TMEM161A: variants seen among roughly 807,000 people sequenced by gnomAD.
TMEM161A encodes the protein transmembrane protein 161A, also known as adaptive response to oxidative stress protein 29.
TMEM161A carries 46 observed loss-of-function variants against 57.1 expected under a neutral mutation model. That is an observed-to-expected ratio of 0.81 (90% confidence interval 0.64 to 1.03). The LOEUF (loss-of-function observed/expected upper bound fraction) is 1.03, where lower values mean the gene tolerates loss of function less well. Ranked by LOEUF, TMEM161A falls within the 50% of genes least tolerant of loss-of-function variation. The probability of loss-of-function intolerance (pLI) is 0.00; values close to 1 mark genes in which losing one functional copy is unlikely to be tolerated. For missense variants in TMEM161A, 601 were observed against 621.5 expected (o/e 0.97, Z 0.35); for synonymous variants, 288 against 279.0 (o/e 1.03, Z -0.32).
chr19:19,120,290 T>A (rs1007763735), intron 11 of TMEM161A, 107 bp from the exon 12 acceptor site: 1 of 989,144 alleles, frequency 1.0e-6, no homozygotes, highest in Non-Finnish European at 1.4e-6. Context: ...CTCCCACCCC[T>A]GTCTCAGACT....
Position 19,121,633 on chromosome 19 carries a change from A to C in TMEM161A, c.692T>G (p.Leu231Arg). 1 of 1,613,982 alleles carries C rather than the reference A, an allele frequency of 6.2e-7. No homozygotes were observed. Among genetic ancestry groups the C allele is most frequent in the Non-Finnish European group, 8.5e-7 (1 of 1,179,926 alleles). Residue 231 changes from leucine (L) to arginine (R), a missense_variant, in exon 8 of 12, where the codon CTG (leucine) becomes CGG (arginine). Transcript: ENST00000162044. The surrounding 1 kb of genome is among the most constrained non-coding windows in gnomAD (Gnocchi z 5.8). ...ACCCAGCACAGAGCCCACCACTGCC[A>C]GTCCCACGCGGATAGCCAGCTTGGC... ...PVAKLAIRVG[L>R]AVVGSVLGAF...
At chr19:19,127,068 T>G (rs2059934275) in intron 6 of TMEM161A, among the ~76,000 whole-genome samples, 1 of 151,964 alleles carries the variant, frequency 6.6e-6, no homozygotes, top group African/African-American at 2.4e-5. Context: ...AATAAAATGG[T>G]TCAGCTGCTG....
chr19:19,127,270 G>T (rs1393043208), intron 6 of TMEM161A, among the ~76,000 whole-genome samples: 1 of 148,720 alleles, frequency 6.7e-6, no homozygotes, highest in Non-Finnish European at 1.5e-5. Context: ...ATCTGTGGAT[G>T]AATAAACAAA....
At chr19:19,135,753 A>G (rs1326265770) in intron 1 of TMEM161A, among the ~76,000 whole-genome samples, 1 of 151,872 alleles carries the variant, frequency 6.6e-6, no homozygotes, top group Non-Finnish European at 1.5e-5. Context: ...ATTTTTGTCT[A>G]TTTTGTAGAG....
chr19:19,128,879 T>C (rs1426324104), intron 6 of TMEM161A, among the ~76,000 whole-genome samples: 2 of 152,004 alleles, frequency 1.3e-5, no homozygotes, highest in Non-Finnish European at 2.9e-5. Context: ...CATTTAAAAA[T>C]GGTTAAGATG....
intron 11 of TMEM161A, 93 bp downstream of exon 11, chr19:19,120,672 C>T (rs1443974602): frequency 1.5e-5 from 16 of 1,061,446 alleles, no homozygotes; most frequent in South Asian, 1.4e-4. Flanking sequence ...CCCCGCCTCT[C>T]CCCCCCCACC....
intron 6 of TMEM161A, among the ~76,000 whole-genome samples, chr19:19,125,297 A>G (rs1029085000): frequency 4.6e-5 from 7 of 152,336 alleles, no homozygotes; most frequent in Middle Eastern, 6.8e-3. Flanking sequence ...GTCACTGTCC[A>G]TCAGCAACAG....
rs1050456995 is a variant in TMEM161A, at chr19:19,132,665, T to C, written c.278A>G (p.Asp93Gly). Reference protein sequence around the residue: ...QLETCPLTTVDALVLRFFLEY... With the variant: ...QLETCPLTTVGALVLRFFLEY... ...TGGGACTGGGCTATTACCCAGGGCA[T>C]CCACGGTCGTGAGGGGGCAGGTCTC... is the stretch of plus-strand genomic sequence containing the variant. Residue 93 changes from aspartate (D) to glycine (G), a missense_variant, in exon 4 of 12, where the codon GAT becomes GGT. By Grantham distance (94) the Asp-to-Gly change is moderately conservative. Transcript: ENST00000162044. This position sits in a 1 kb window ranked among gnomAD's most constrained non-coding sequence, Gnocchi z 4.3. 6.4e-6 allele frequency: 10 copies of C among 1,569,276 alleles called. No homozygotes were observed. The highest frequency in any genetic ancestry group is 1.4e-5 in the African/African-American group (1 of 73,824).
At chr19:19,130,023 T>C in intron 6 of TMEM161A, 133 bp downstream of exon 6, 1 of 981,028 alleles carries the variant, frequency 1.0e-6, no homozygotes, top group Non-Finnish European at 1.5e-6. Flanking sequence ...TGGTCACTAA[T>C]GGGGACTGCC....
chr19:19,121,726 C>T lies in TMEM161A; in HGVS notation c.656+33G>A. On this transcript the variant is annotated intron_variant, in intron 7 of 11. Transcript: ENST00000162044. The surrounding 1 kb of genome is among the most constrained non-coding windows in gnomAD (Gnocchi z 5.8). ...GGGACCCTGGGAGGGTCCCAGCCTGCCCTTGCCTCCCTCCCCCATTCCCAG... is the reference window on the plus strand; with the variant it reads ...GGGACCCTGGGAGGGTCCCAGCCTGTCCTTGCCTCCCTCCCCCATTCCCAG... 1 of 1,613,636 alleles carries T rather than the reference C, an allele frequency of 6.2e-7. No homozygotes were observed. The highest frequency in any genetic ancestry group is 8.5e-7 in the Non-Finnish European group (1 of 1,179,658).
Position 19,121,566 on chromosome 19 carries a change from G to T in TMEM161A, c.759C>A (p.His253Gln). 1 of 1,613,916 alleles carries T rather than the reference G, an allele frequency of 6.2e-7. No individual in the cohort carries two copies. Among genetic ancestry groups the T allele is most frequent in the Non-Finnish European group, 8.5e-7 (1 of 1,179,948 alleles). ...TFPGLRLAQT[H>Q]RDALTMSEDR... ...CCTCCGACATGGTCAGTGCGTCCCGGTGGGTCTGGGCCAGCCGCAGGCCTG... is the reference window on the plus strand; with the variant it reads ...CCTCCGACATGGTCAGTGCGTCCCGTTGGGTCTGGGCCAGCCGCAGGCCTG... Residue 253 changes from histidine to glutamine, a missense_variant, in exon 8 of 12, where the codon CAC becomes CAA. By Grantham distance (24) the His-to-Gln change is conservative. Coordinates refer to ENST00000162044, the MANE Select transcript of TMEM161A (RefSeq NM_017814.3). This position sits in a 1 kb window ranked among gnomAD's most constrained non-coding sequence, Gnocchi z 5.8.
At chr19:19,125,967 A>G (rs1294812415) in intron 6 of TMEM161A, among the ~76,000 whole-genome samples, 4 of 151,270 alleles carry the variant, frequency 2.6e-5, no homozygotes, top group African/African-American at 4.9e-5. Context: ...CATCTCTAGT[A>G]AAAAATACAA....
intron 5 of TMEM161A, among the ~76,000 whole-genome samples, chr19:19,131,777 C>T (rs113700466): frequency 2.2e-4 from 33 of 151,906 alleles, no homozygotes; most frequent in South Asian, 1.0e-3. Context: ...CCACCTGCCT[C>T]GGCCTCCCAA....
At position 19,121,201 on chromosome 19, in the gene TMEM161A, AG is replaced by A; in HGVS notation, c.915-36del. 6.4e-7 allele frequency: 1 copy of A among 1,568,882 alleles called. No homozygotes were observed. Among genetic ancestry groups the A allele is most frequent in the Non-Finnish European group, 8.6e-7 (1 of 1,156,718 alleles). On this transcript the variant is annotated intron_variant, in intron 9 of 11. Transcript: ENST00000162044. This position sits in a 1 kb window ranked among gnomAD's most constrained non-coding sequence, Gnocchi z 5.8. ...GAGGGCCGGGGGCAAGGGACTAAGA[AG>A]GTCGCCCCCGACCCCCCAGGATCTT...
Position 19,121,332 on chromosome 19 carries a change from G to A in TMEM161A, c.890C>T (p.Pro297Leu), listed in dbSNP as rs376515835. Residue 297 changes from proline to leucine, a missense_variant, in exon 9 of 12, where the codon CCG becomes CTG. Pro to Leu is a moderately conservative substitution (Grantham distance 98, BLOSUM62 -3). Coordinates refer to ENST00000162044, the MANE Select transcript of TMEM161A (RefSeq NM_017814.3). This position sits in a 1 kb window ranked among gnomAD's most constrained non-coding sequence, Gnocchi z 5.8. The part of the protein sequence containing the change: ...PIARDFLHQP[P>L]FGETRFSLLS... Reference sequence around the variant, plus strand: ...CAGGGAGAAACGCGTCTCCCCAAACGGCGGCTGGTGCAGGAAGTCCCGTGC... The same window carrying A: ...CAGGGAGAAACGCGTCTCCCCAAACAGCGGCTGGTGCAGGAAGTCCCGTGC... 2.7e-4 allele frequency: 426 copies of A among 1,577,208 alleles called. No homozygotes were observed. Among genetic ancestry groups the A allele is most frequent in the Middle Eastern group, 6.6e-4 (4 of 6,040 alleles).
At position 19,128,029 on chromosome 19, in the gene TMEM161A, A is replaced by G. The variant is rs1430826926; in HGVS notation, c.595+2127T>C. ...ACTGAAATGAGCACGTCACAAAAGG[A>G]CAAATACTGTATGATGCCACTTATA... On this transcript the variant is annotated intron_variant, in intron 6 of 11. Coordinates refer to ENST00000162044, the MANE Select transcript of TMEM161A (RefSeq NM_017814.3). Among the ~76,000 whole-genome samples, 7 of 152,180 alleles carry G rather than the reference A, an allele frequency of 4.6e-5. No homozygotes were observed. In the South Asian group the frequency reaches 1.2e-3, roughly 27 times the overall value.
chr19:19,126,923 T>C (rs926252610), intron 6 of TMEM161A, among the ~76,000 whole-genome samples: 1 of 152,032 alleles, frequency 6.6e-6, no homozygotes, highest in Non-Finnish European at 1.5e-5. Flanking sequence ...GGTGGGAGCC[T>C]GTAGTCCCAG....
chr19:19,130,754 T>G (rs189285111), intron 5 of TMEM161A, among the ~76,000 whole-genome samples: 1 of 143,730 alleles, frequency 7.0e-6, no homozygotes, highest in Non-Finnish European at 1.5e-5. Flanking sequence ...CTGGGTAACA[T>G]AGTGAGACCC....
chr19:19,132,676 G>A lies in TMEM161A; in HGVS notation c.267C>T (p.Leu89=). Residue 89 remains leucine, a synonymous_variant, in exon 4 of 12, where the codon CTC becomes CTT. Coordinates refer to ENST00000162044, the MANE Select transcript of TMEM161A (RefSeq NM_017814.3). This position sits in a 1 kb window ranked among gnomAD's most constrained non-coding sequence, Gnocchi z 4.3. The part of the protein sequence containing the change: ...DAPFQLETCP[L]TTVDALVLRF... Reference sequence around the variant, plus strand: ...TATTACCCAGGGCATCCACGGTCGTGAGGGGGCAGGTCTCCAGCTGGAACG... The same window carrying A: ...TATTACCCAGGGCATCCACGGTCGTAAGGGGGCAGGTCTCCAGCTGGAACG... 2.5e-6 allele frequency: 4 copies of A among 1,577,270 alleles called. No individual in the cohort carries two copies. Among genetic ancestry groups the A allele is most frequent in the Non-Finnish European group, 3.4e-6 (4 of 1,160,780 alleles).
Sources: allele counts gnomAD v4.1 joint callset (sites outside exome capture counted in the v4.1 genomes callset), GRCh38; gene constraint gnomAD v4.1.1; non-coding constraint Gnocchi (gnomAD v3.1); transcripts MANE v1.5; gene names NCBI Gene and HGNC (gene_info 2026-07-23, HGNC 2026-07-21).